Variants in GABRG3 observed in about 807,000 individuals in gnomAD.
The protein encoded by GABRG3 is gamma-aminobutyric acid receptor subunit gamma-3.
A neutral mutation model predicts 48.8 loss-of-function variants in GABRG3; 25 were observed. The observed-to-expected ratio is 0.51, with a 90% CI of 0.37 to 0.72. The LOEUF (loss-of-function observed/expected upper bound fraction) is 0.72, where lower values mean the gene tolerates loss of function less well. GABRG3 is among the 30% of genes least tolerant of loss of function. The probability of loss-of-function intolerance (pLI) is 0.00; values close to 1 mark genes in which losing one functional copy is unlikely to be tolerated. For missense variants in GABRG3, 394 were observed against 577.9 expected (o/e 0.68, Z 3.26); for synonymous variants, 227 against 217.6 (o/e 1.04, Z -0.38).
chr15:27,454,155 G>A (rs777734885), intron 5 of GABRG3, among the ~76,000 whole-genome samples: 33 of 152,188 alleles, frequency 2.2e-4, no homozygotes, highest in Non-Finnish European at 4.6e-4. Context: ...TGTGACTCCA[G>A]TATGTGCCTG....
intron 3 of GABRG3, among the ~76,000 whole-genome samples, chr15:27,093,724 A>G (rs1213932274): frequency 6.6e-6 from 1 of 152,214 alleles, no homozygotes; most frequent in African/African-American, 2.4e-5. Flanking sequence ...AATTTCCAGT[A>G]TGATGGATAC....
chr15:27,527,397 C>G (rs1362141377), intron 7 of GABRG3, 36 bp from the exon 8 acceptor site: 3 of 1,590,478 alleles, frequency 1.9e-6, no homozygotes, highest in Non-Finnish European at 8.6e-7. Context: ...TTGCGTGTTG[C>G]ACCCTTTTAC....
intron 2 of GABRG3, among the ~76,000 whole-genome samples, chr15:26,988,579 T>TA (rs1347199193): frequency 4.6e-5 from 7 of 152,042 alleles, no homozygotes; most frequent in African/African-American, 7.2e-5. Flanking sequence ...ATCTTGCCTT[T>TA]AATAAAAAAG....
intron 5 of GABRG3, among the ~76,000 whole-genome samples, chr15:27,383,202 G>C (rs1390256639): frequency 6.6e-6 from 1 of 152,160 alleles, no homozygotes; most frequent in Non-Finnish European, 1.5e-5. Flanking sequence ...TCTTAGCCAA[G>C]GTATAACTGT....
intron 5 of GABRG3, among the ~76,000 whole-genome samples, chr15:27,478,614 A>G (rs1398387042): frequency 6.6e-6 from 1 of 152,226 alleles, no homozygotes; most frequent in Non-Finnish European, 1.5e-5. Context: ...TGTTAAATGT[A>G]GTTACCCAGA....
intron 5 of GABRG3, among the ~76,000 whole-genome samples, chr15:27,361,485 G>C (rs747161871): frequency 6.6e-6 from 1 of 152,190 alleles, no homozygotes; most frequent in Admixed American, 6.5e-5. Flanking sequence ...GAAAGGAATA[G>C]TATTATTTTC....
At chr15:27,138,783 A>G (rs557633543) in intron 3 of GABRG3, among the ~76,000 whole-genome samples, 2 of 152,206 alleles carry the variant, frequency 1.3e-5, no homozygotes, top group African/African-American at 2.4e-5. Flanking sequence ...TGTGAGTCCT[A>G]TATCATTCTG....
intron 3 of GABRG3, among the ~76,000 whole-genome samples, chr15:27,308,995 CAT>C (rs1224934226): frequency 8.7e-5 from 13 of 149,952 alleles, no homozygotes; most frequent in South Asian, 6.4e-4. Flanking sequence ...TATGAAAACA[CAT>C]ATAATGTAAA....
Position 27,390,215 on chromosome 15 carries a change from A to T in GABRG3, c.574+61327A>T, listed in dbSNP as rs559240960. ...CAAATTGATTTTGCTTCTTTCGTAT[A>T]TTACGCCACTGAAAATTGAGAAAAC... On this transcript the variant is annotated intron_variant, in intron 5 of 9. Coordinates refer to ENST00000615808, the MANE Select transcript of GABRG3 (RefSeq NM_033223.5). 5.3e-5 allele frequency among the ~76,000 whole-genome samples: 8 copies of T among 152,356 alleles called. No individual in the cohort carries two copies. The East Asian group carries it at 9.6e-4, about 18-fold the overall frequency.
intron 3 of GABRG3, among the ~76,000 whole-genome samples, chr15:27,171,119 T>G (rs1887553377): frequency 6.6e-6 from 1 of 152,118 alleles, no homozygotes; most frequent in South Asian, 2.1e-4. Context: ...GATGCTCAGG[T>G]TCACTGCTCA....
intron 3 of GABRG3, among the ~76,000 whole-genome samples, chr15:27,233,179 G>T (rs991476695): frequency 1.3e-5 from 2 of 152,228 alleles, no homozygotes; most frequent in Admixed American, 6.5e-5. Flanking sequence ...CCTCCTGGAG[G>T]ACAGGGGCTG....
At chr15:27,245,159 TG>T (rs1890233477) in intron 3 of GABRG3, among the ~76,000 whole-genome samples, 1 of 152,024 alleles carries the variant, frequency 6.6e-6, no homozygotes, top group Admixed American at 6.6e-5. Flanking sequence ...TGCTGCGGTG[TG>T]GGAGAAGGGG....
chr15:27,473,113 A>T (rs1274440923), intron 5 of GABRG3, among the ~76,000 whole-genome samples: 4 of 152,162 alleles, frequency 2.6e-5, no homozygotes, highest in Non-Finnish European at 5.9e-5. Context: ...TATCATTGTA[A>T]TACTCACTAT....
intron 3 of GABRG3, among the ~76,000 whole-genome samples, chr15:27,210,561 C>G (rs1889044948): frequency 6.6e-6 from 1 of 152,218 alleles, no homozygotes; most frequent in Non-Finnish European, 1.5e-5. Flanking sequence ...AGAGCATTGC[C>G]CACCCTGACA....
chr15:27,174,290 G>C (rs1316528998), intron 3 of GABRG3, among the ~76,000 whole-genome samples: 1 of 152,116 alleles, frequency 6.6e-6, no homozygotes, highest in African/African-American at 2.4e-5. Flanking sequence ...GCATTGATTT[G>C]TTCAAAAGAT....
chr15:27,092,481 C>T (rs1437333931), intron 3 of GABRG3, among the ~76,000 whole-genome samples: 1 of 152,210 alleles, frequency 6.6e-6, no homozygotes, highest in African/African-American at 2.4e-5. Context: ...TGTTTGCTGT[C>T]AGGTAGCTGC....
chr15:27,100,457 A>T lies in GABRG3; in HGVS notation c.270+73636A>T, dbSNP rs147838456. On this transcript the variant is annotated intron_variant, in intron 3 of 9. Coordinates refer to ENST00000615808, the MANE Select transcript of GABRG3 (RefSeq NM_033223.5). ...CTCTTCCAGAAAGCAGAAGAGAAGGAAACATTCCCCATCATTTTTTATGAA... is the reference window on the plus strand; with the variant it reads ...CTCTTCCAGAAAGCAGAAGAGAAGGTAACATTCCCCATCATTTTTTATGAA... Among the ~76,000 whole-genome samples the T allele has an allele frequency of 3.7e-3, 559 of 152,344 alleles. 1 individual carries two copies. Among genetic ancestry groups the T allele is most frequent in the African/African-American group, 0.013 (536 of 41,580 alleles).
At chr15:27,247,556 G>A (rs1890306944) in intron 3 of GABRG3, among the ~76,000 whole-genome samples, 1 of 152,166 alleles carries the variant, frequency 6.6e-6, no homozygotes, top group Non-Finnish European at 1.5e-5. Context: ...TACCAGGAAA[G>A]GAAAGGCTGT....
rs942002794 is a variant in GABRG3, at chr15:27,457,618, C to G, written c.575-23032C>G. Among the ~76,000 whole-genome samples, 2 of 152,160 alleles carry G rather than the reference C, an allele frequency of 1.3e-5. No individual in the cohort carries two copies. Among genetic ancestry groups the G allele is most frequent in the African/African-American group, 2.4e-5 (1 of 41,428 alleles). On this transcript the variant is annotated intron_variant, in intron 5 of 9. Transcript: ENST00000615808. The surrounding 1 kb of genome is among the most constrained non-coding windows in gnomAD (Gnocchi z 4.4). ...GCTTGGCCAGGATTGATCCACTGTA[C>G]CAGCCCTGCCCTCTCTAGGACGGGC...
Sources: allele counts gnomAD v4.1 joint callset (sites outside exome capture counted in the v4.1 genomes callset), GRCh38; gene constraint gnomAD v4.1.1; non-coding constraint Gnocchi (gnomAD v3.1); transcripts MANE v1.5; gene names NCBI Gene and HGNC (gene_info 2026-07-23, HGNC 2026-07-21).